PIEZO1: variants seen among roughly 807,000 people sequenced by gnomAD.
PIEZO1 encodes the protein piezo-type mechanosensitive ion channel component 1.
PIEZO1 carries 296 observed loss-of-function variants against 297.2 expected under a neutral mutation model. The ratio of observed to expected loss-of-function variants is 1.00; its 90% confidence interval spans 0.91 to 1.10. The LOEUF is 1.10. Ranked by LOEUF, PIEZO1 falls within the 50% of genes least tolerant of loss-of-function variation. The pLI is 0.00. For missense variants in PIEZO1, 5,018 were observed against 3,455.5 expected (o/e 1.45, Z -11.34); for synonymous variants, 2,427 against 1,507.5 (o/e 1.61, Z -14.13).
At position 88,721,358 on chromosome 16, in the gene PIEZO1, C is replaced by T; in HGVS notation, c.5476G>A (p.Gly1826Arg). ...GGCACCCCTGGCCCCTCCTCGGCTC[C>T]CTGCTCCTCCTCGCCGCTCTTGTCA... Reference protein sequence around the residue: ...EHDKSGEEEQGAEEGPGVPAA... With the variant: ...EHDKSGEEEQRAEEGPGVPAA... Residue 1826 changes from glycine (G) to arginine (R), a missense_variant, in exon 39 of 51, where the codon GGA becomes AGA. Physicochemically the swap from Gly to Arg is moderately radical, Grantham distance 125. Transcript: ENST00000301015. 1 of 1,549,256 alleles carries T rather than the reference C, an allele frequency of 6.5e-7. No homozygotes were observed.
rs1325250197 is a variant in PIEZO1 at position 88,733,305 on chromosome 16, G to A, written c.2637C>T (p.Pro879=). 1 of 1,547,956 alleles carries A rather than the reference G, an allele frequency of 6.5e-7. No individual in the cohort carries two copies. ...KMLYQLKVVN[P]QEYSSNCTEP... is the part of the protein sequence containing the mutation. ...CGGTGCAGTTGCTGGAATACTCCTG[G>A]GGGTTGACAACCTTGAGCTGGTACA... The change falls in exon 19 of 51, where the codon CCC becomes CCT. Residue 879 remains proline (P), a synonymous_variant. Transcript: ENST00000301015.
In PIEZO1 at chr16:88,732,853, G is replaced by A. The variant is rs536320310; in HGVS notation, c.2665-121C>T. On this transcript the variant is annotated intron_variant, in intron 19 of 50. Coordinates refer to ENST00000301015, the MANE Select transcript of PIEZO1 (RefSeq NM_001142864.4). ...ACTGCTCCCCAGCCAGGGACACGGG[G>A]GCTGCCAGCCTTGGAGCCACCTTCA... 17 of 1,048,716 alleles carry A rather than the reference G, an allele frequency of 1.6e-5. No homozygotes were observed. In the African/African-American group the frequency reaches 1.8e-4, roughly 11 times the overall value. The allele number at this position is 1,048,716 out of a possible 1,614,324, so 65.0% of individuals were successfully genotyped here. A position where few individuals can be genotyped will look rare whatever the true frequency, so the allele number is the denominator to read the frequency against.
chr16:88,783,886 G>T (rs974270972), intron 1 of PIEZO1, among the ~76,000 whole-genome samples: 17 of 152,226 alleles, frequency 1.1e-4, no homozygotes, highest in African/African-American at 3.6e-4. Context: ...CACCTGGAGC[G>T]AGGCAAGGGC....
chr16:88,732,296 C>A, intron 21 of PIEZO1, 39 bp downstream of exon 21: 1 of 1,521,120 alleles, frequency 6.6e-7, no homozygotes, highest in South Asian at 1.2e-5. Context: ...TCCCGAAGGC[C>A]AAGCCCTGCC....
chr16:88,779,227 T>C (rs1907814991), intron 1 of PIEZO1, among the ~76,000 whole-genome samples: 1 of 152,004 alleles, frequency 6.6e-6, no homozygotes. Flanking sequence ...TTAGCTGAGA[T>C]GGAGTTTTGC....
intron 3 of PIEZO1, 54 bp from the exon 4 acceptor site, chr16:88,742,149 G>A: frequency 1.3e-6 from 2 of 1,530,386 alleles, no homozygotes; most frequent in Admixed American, 2.0e-5. Context: ...CAGCACCGTG[G>A]CCTGGTCATC....
chr16:88,773,292 G>A (rs1381374917), intron 1 of PIEZO1, among the ~76,000 whole-genome samples: 1 of 152,262 alleles, frequency 6.6e-6, no homozygotes, highest in African/African-American at 2.4e-5. Flanking sequence ...AGAGTGGGCA[G>A]CCAACGAGGG....
At chr16:88,774,428 G>C (rs1907566137) in intron 1 of PIEZO1, among the ~76,000 whole-genome samples, 2 of 152,118 alleles carry the variant, frequency 1.3e-5, no homozygotes, top group Admixed American at 1.3e-4. Context: ...ATAAACTGGA[G>C]AAAGACACCC....
At position 88,732,361 on chromosome 16, in the gene PIEZO1, A is replaced by T. The variant is rs1037745986; in HGVS notation, c.2965T>A (p.Phe989Ile). 4.5e-6 allele frequency: 7 copies of T among 1,549,580 alleles called. No homozygotes were observed. The highest frequency in any genetic ancestry group is 1.2e-5 in the South Asian group (1 of 84,042). Residue 989 changes from phenylalanine (F) to isoleucine (I), a missense_variant, in exon 21 of 51, where the codon TTC becomes ATC. Transcript: ENST00000301015. ...LLGCLKYFIN[F>I]FFYKFGLEIC... ...TCCAGCCCGAATTTGTAGAAGAAGA[A>T]GTTGATGAAGTACTTGAGGCAGCCG...
chr16:88,763,188 G>C (rs752351505), intron 1 of PIEZO1, among the ~76,000 whole-genome samples: 5 of 152,170 alleles, frequency 3.3e-5, no homozygotes, highest in Non-Finnish European at 4.4e-5. Flanking sequence ...GGGATGAGAC[G>C]CAGGGCCGGC....
At chr16:88,725,767 G>C (rs772997319) in intron 27 of PIEZO1, 83 bp from the exon 28 acceptor site, 84 of 754,472 alleles carry the variant, frequency 1.1e-4, no homozygotes, top group South Asian at 1.7e-4. Flanking sequence ...GCTCAGCCCG[G>C]GACAGCTCAG....
At position 88,742,109 on chromosome 16, in the gene PIEZO1, C is replaced by CG. The variant is rs746559713; in HGVS notation, c.284-15dup. On this transcript the variant is annotated splice_polypyrimidine_tract_variant and intron_variant, in intron 3 of 50. Transcript: ENST00000301015. ...CCCAGCGGCTGCCTGCAGAGAAAGA[C>CG]GGGGGAACCCAGGTCAGGCTCTGCC... 8 of 1,535,690 alleles carry CG rather than the reference C, an allele frequency of 5.2e-6. 1 individual carries two copies. The South Asian group carries it at 9.5e-5, about 18-fold the overall frequency.
intron 1 of PIEZO1, among the ~76,000 whole-genome samples, chr16:88,775,427 T>G (rs537259974): frequency 1.3e-5 from 2 of 152,184 alleles, no homozygotes; most frequent in Non-Finnish European, 1.5e-5. Context: ...AAATGCCTGC[T>G]CTTAAAAACA....
chr16:88,722,805 C>A, intron 34 of PIEZO1, 32 bp downstream of exon 34: 1 of 1,538,624 alleles, frequency 6.5e-7, no homozygotes, highest in South Asian at 1.2e-5. Flanking sequence ...TCAGGCAGAG[C>A]AGGGACGAGC....
intron 1 of PIEZO1, among the ~76,000 whole-genome samples, chr16:88,766,107 G>A (rs1907166429): frequency 6.6e-6 from 1 of 152,236 alleles, no homozygotes; most frequent in African/African-American, 2.4e-5. Context: ...GGGTGTGAGG[G>A]TTGATTCATG....
rs1485899688 is a variant in PIEZO1, at chr16:88,726,269, T to G, written c.3968+15A>C. ...CAAGACGGGAGCTCTGGGCTGTGTCTGGGCCCAAGCTTGCCTGGAGGCTAG... is the reference window on the plus strand; with the variant it reads ...CAAGACGGGAGCTCTGGGCTGTGTCGGGGCCCAAGCTTGCCTGGAGGCTAG... On this transcript the variant is annotated intron_variant, in intron 27 of 50. Transcript: ENST00000301015. 3.2e-6 allele frequency: 5 copies of G among 1,542,404 alleles called. No individual in the cohort carries two copies. The Admixed American group carries it at 7.9e-5, about 24-fold the overall frequency.
chr16:88,733,352 C>T lies in PIEZO1; in HGVS notation c.2590G>A (p.Val864Ile), dbSNP rs565096713. 188 of 1,550,178 alleles carry T rather than the reference C, an allele frequency of 1.2e-4. No homozygotes were observed. The highest frequency in any genetic ancestry group is 9.2e-4 in the African/African-American group (67 of 73,184). The change falls in exon 19 of 51, where the codon GTC (valine) becomes ATC (isoleucine). Residue 864 changes from valine to isoleucine, a missense_variant. Physicochemically the swap from Val to Ile is conservative, Grantham distance 29 (BLOSUM62 3). Coordinates refer to ENST00000301015, the MANE Select transcript of PIEZO1 (RefSeq NM_001142864.4). ...ASCLSTVWTC[V>I]IIVCKMLYQL... is the part of the protein sequence containing the mutation. ...TACAGCATCTTACACACGATGATGA[C>T]GCAGGTCCACACGGTGGACAGGCAG...
Position 88,742,180 on chromosome 16 carries a change from C to G in PIEZO1, c.284-85G>C. 4.0e-6 allele frequency: 6 copies of G among 1,507,216 alleles called. No individual in the cohort carries two copies. The South Asian group carries it at 6.1e-5, about 15-fold the overall frequency. 93.4% of individuals were successfully genotyped at this position (1,507,216 alleles called of 1,614,324 possible). On this transcript the variant is annotated intron_variant, in intron 3 of 50. Coordinates refer to ENST00000301015, the MANE Select transcript of PIEZO1 (RefSeq NM_001142864.4). Reference sequence around the variant, plus strand: ...TCATCCCTGGAGCGTTTCACCTGGACCATCCAGGCCAGACATAAATCAGGC... The same window carrying G: ...TCATCCCTGGAGCGTTTCACCTGGAGCATCCAGGCCAGACATAAATCAGGC...
At chr16:88,731,412 C>T (rs896272650) in intron 22 of PIEZO1, 27 of 417,560 alleles carry the variant, frequency 6.5e-5, no homozygotes, top group African/African-American at 3.2e-4. Context: ...CCGGAGAGGA[C>T]GCAGTGCTCC....
Sources: gnomAD v4.1 joint callset for allele counts (sites outside exome capture counted in the v4.1 genomes callset) on GRCh38, gnomAD v4.1.1 for gene constraint, MANE v1.5 for transcripts, NCBI Gene and HGNC (gene_info 2026-07-23, HGNC 2026-07-21) for gene names.